The following CLNK variants were observed in gnomAD, a reference collection of about 807,000 sequenced individuals.
CLNK encodes the protein cytokine dependent hematopoietic cell linker.
Under a neutral mutation model 68.6 loss-of-function variants are expected in CLNK, and 74 were observed. The ratio of observed to expected loss-of-function variants is 1.08; its 90% CI spans 0.89 to 1.31. The LOEUF (loss-of-function observed/expected upper bound fraction) is 1.31, where lower values mean the gene tolerates loss of function less well. Ranked by LOEUF, CLNK falls within the 50% of genes most tolerant of loss-of-function variation. The pLI, the probability that CLNK is intolerant of heterozygous loss-of-function variation, is 0.00. For missense variants in CLNK, 553 were observed against 515.3 expected (o/e 1.07, Z -0.71); for synonymous variants, 198 against 172.2 (o/e 1.15, Z -1.17).
chr4:10,706,207 C>G, the CLNK span, among the ~76,000 whole-genome samples: 1 of 152,208 alleles, frequency 6.6e-6, no homozygotes, highest in African/African-American at 2.4e-5. Flanking sequence ...AGAGTCTCAG[C>G]CCACATGTGT....
chr4:10,690,221 C>T, the CLNK span, among the ~76,000 whole-genome samples: 1 of 152,164 alleles, frequency 6.6e-6, no homozygotes, highest in African/African-American at 2.4e-5. Context: ...TTTACTCTCT[C>T]TAGCAAGGCC....
rs753547405 is a variant in CLNK, at chr4:10,598,062, A to G, written c.12-13T>C. 4.5e-6 allele frequency: 7 copies of G among 1,544,766 alleles called. No homozygotes were observed. The highest frequency in any genetic ancestry group is 1.9e-5 in the Admixed American group (1 of 52,584). On this transcript the variant is annotated splice_polypyrimidine_tract_variant and intron_variant, in intron 2 of 18. Coordinates refer to ENST00000226951, the MANE Select transcript of CLNK (RefSeq NM_052964.4). ...CTTTCTATTGCCCCTGGGATGAAAG[A>G]AAATAAATTATAGCTGGGAAATAGC... is the stretch of plus-strand genomic sequence containing the variant.
At chr4:10,533,451 A>G (rs1051758694) in intron 11 of CLNK, among the ~76,000 whole-genome samples, 4 of 152,208 alleles carry the variant, frequency 2.6e-5, no homozygotes, top group Non-Finnish European at 5.9e-5. Flanking sequence ...CACTGATCAC[A>G]GTTGAAGGCT....
intron 8 of CLNK, among the ~76,000 whole-genome samples, chr4:10,554,845 G>A (rs192665579): frequency 6.6e-6 from 1 of 152,248 alleles, no homozygotes; most frequent in East Asian, 1.9e-4. Context: ...ATTCACTCTG[G>A]CACTGCGCTT....
chr4:10,633,110 G>A (rs1180713643), intron 2 of CLNK, among the ~76,000 whole-genome samples: 1 of 152,100 alleles, frequency 6.6e-6, no homozygotes, highest in Non-Finnish European at 1.5e-5. Flanking sequence ...GCTAATTTTT[G>A]TATTTTTAGT....
At chr4:10,551,575 C>A (rs921706460) in intron 8 of CLNK, among the ~76,000 whole-genome samples, 1 of 151,926 alleles carries the variant, frequency 6.6e-6, no homozygotes, top group Non-Finnish European at 1.5e-5. Context: ...TCCTGTAATA[C>A]CCTTTAACTA....
chr4:10,674,515 A>G (rs1724794501), intron 1 of CLNK, among the ~76,000 whole-genome samples: 1 of 152,184 alleles, frequency 6.6e-6, no homozygotes, highest in Admixed American at 6.5e-5. Context: ...CAGTTCCCAT[A>G]TAATTTATTA....
chr4:10,661,031 T>G (rs1377651851), intron 2 of CLNK, among the ~76,000 whole-genome samples: 1 of 152,188 alleles, frequency 6.6e-6, no homozygotes, highest in Admixed American at 6.5e-5. Context: ...ACTACACAGC[T>G]GGGTGTAGGA....
intron 2 of CLNK, among the ~76,000 whole-genome samples, chr4:10,651,461 C>T (rs1723732627): frequency 6.6e-6 from 1 of 152,198 alleles, no homozygotes; most frequent in South Asian, 2.1e-4. Flanking sequence ...GAAAACCTAA[C>T]TCCGTATGTT....
intron 4 of CLNK, among the ~76,000 whole-genome samples, chr4:10,580,332 A>G (rs956844077): frequency 1.3e-5 from 2 of 152,250 alleles, no homozygotes; most frequent in African/African-American, 4.8e-5. Flanking sequence ...ATGATAAAAT[A>G]ACTATAACAC....
In CLNK at chr4:10,501,383, G is replaced by C; in HGVS notation, c.1013C>G (p.Ser338Cys). The C allele has an allele frequency of 6.2e-7, 1 of 1,610,058 alleles. No homozygotes were observed. The highest frequency in any genetic ancestry group is 8.5e-7 in the Non-Finnish European group (1 of 1,178,806). The change falls in exon 18 of 19, where the codon TCC becomes TGC. Residue 338 changes from serine to cysteine, a missense_variant. Coordinates refer to ENST00000226951, the MANE Select transcript of CLNK (RefSeq NM_052964.4). Reference sequence around the variant, plus strand: ...ATAGGGCTCTTCCTTGGATTTTGTGGAACAATCTCGGACCAAGAAACTACC... The same window carrying C: ...ATAGGGCTCTTCCTTGGATTTTGTGCAACAATCTCGGACCAAGAAACTACC... ...KDGSFLVRDCSTKSKEEPYVL... is the reference protein window; with the variant it reads ...KDGSFLVRDCCTKSKEEPYVL...
chr4:10,669,714 TC>T (rs1226686771), intron 1 of CLNK, among the ~76,000 whole-genome samples: 1 of 152,194 alleles, frequency 6.6e-6, no homozygotes, highest in African/African-American at 2.4e-5. Flanking sequence ...AAGCTCTATG[TC>T]CTCTGATACC....
intron 18 of CLNK, among the ~76,000 whole-genome samples, chr4:10,492,137 C>T (rs984048682): frequency 2.0e-5 from 3 of 152,104 alleles, no homozygotes; most frequent in Non-Finnish European, 4.4e-5. Flanking sequence ...CCCTAAAGAG[C>T]GAAGGGAATT....
intron 15 of CLNK, among the ~76,000 whole-genome samples, chr4:10,514,964 TG>T (rs1388722275): frequency 6.6e-6 from 1 of 152,182 alleles, no homozygotes; most frequent in African/African-American, 2.4e-5. Context: ...GGGCCGGGTG[TG>T]GTGGCTCATG....
chr4:10,514,139 G>A (rs1353324378), intron 15 of CLNK, among the ~76,000 whole-genome samples: 3 of 143,790 alleles, frequency 2.1e-5, no homozygotes, highest in Non-Finnish European at 4.5e-5. Flanking sequence ...ATAGTTTACT[G>A]AGAATGATGG....
At chr4:10,564,518 A>T (rs183889491) in intron 7 of CLNK, among the ~76,000 whole-genome samples, 153 bp downstream of exon 7, 7 of 152,256 alleles carry the variant, frequency 4.6e-5, no homozygotes, top group Admixed American at 4.6e-4. Flanking sequence ...GTCACCTCCT[A>T]CCAGTCATAA....
chr4:10,510,407 A>G (rs780256585), intron 16 of CLNK, among the ~76,000 whole-genome samples: 20 of 152,240 alleles, frequency 1.3e-4, no homozygotes, highest in Non-Finnish European at 2.6e-4. Flanking sequence ...GGATCCTGCT[A>G]CAATTTAATA....
At chr4:10,582,146 T>C (rs902531116) in intron 4 of CLNK, among the ~76,000 whole-genome samples, 2 of 152,198 alleles carry the variant, frequency 1.3e-5, no homozygotes, top group South Asian at 2.1e-4. Context: ...GATTCAACTA[T>C]CAATTTTTTT....
chr4:10,731,580 A>T, the CLNK span, among the ~76,000 whole-genome samples: 32 of 152,332 alleles, frequency 2.1e-4, no homozygotes, highest in Middle Eastern at 3.4e-3. Flanking sequence ...ATTCTCTCTT[A>T]AAAGGGGCTG....
Sources: allele counts gnomAD v4.1 joint callset (sites outside exome capture counted in the v4.1 genomes callset), GRCh38; gene constraint gnomAD v4.1.1; transcripts MANE v1.5; gene names NCBI Gene and HGNC (gene_info 2026-07-23, HGNC 2026-07-21).